The following MACF1 variants were observed in gnomAD, a reference collection of about 807,000 sequenced individuals.
The protein encoded by MACF1 is microtubule actin crosslinking factor 1, also known as microtubule-actin cross-linking factor 1.
Under a neutral mutation model 854.8 loss-of-function variants are expected in MACF1, and 193 were observed. That is an observed-to-expected ratio of 0.23 (90% CI 0.20 to 0.25). The LOEUF (loss-of-function observed/expected upper bound fraction) is 0.25. Among genes scored for constraint, MACF1 ranks in the 10% least tolerant of loss-of-function variants. MACF1 has a pLI of 1.00. For synonymous variants in MACF1, 3,185 were observed against 3,226.7 expected, an observed-to-expected ratio of 0.99 and a Z score of 0.44; for missense variants, 7,722 against 8,929.1, an observed-to-expected ratio of 0.86 and a Z score of 5.45.
chr1:39,271,944 G>A (rs745856433), intron 6 of MACF1, among the ~76,000 whole-genome samples: 1 of 152,180 alleles, frequency 6.6e-6, no homozygotes, highest in Non-Finnish European at 1.5e-5. Flanking sequence ...GACCATATTG[G>A]CAACAGTATG....
At chr1:39,205,874 A>ACACT (rs1261935673) in intron 1 of MACF1, among the ~76,000 whole-genome samples, 3 of 152,226 alleles carry the variant, frequency 2.0e-5, no homozygotes, top group Non-Finnish European at 4.4e-5. Flanking sequence ...TGACTTCTAA[A>ACACT]CACTCAGAGC....
chr1:39,310,855 A>G lies in MACF1; in HGVS notation c.3125A>G (p.Lys1042Arg), dbSNP rs141861752. ...GAGGACAAAGAGGAGACTGTGGCCA[A>G]GATGTACATTTCAGAGTTGAAGAAC... ...ENEDKEETVAKMYISELKNIR... is the reference protein window; with the variant it reads ...ENEDKEETVARMYISELKNIR... The change falls in exon 26 of 101, where the codon AAG becomes AGG. Residue 1042 changes from lysine to arginine, a missense_variant. By Grantham distance (26) the Lys-to-Arg change is conservative. Transcript: ENST00000564288. 224 of 1,613,218 alleles carry G rather than the reference A, an allele frequency of 1.4e-4. No homozygotes were observed. Among genetic ancestry groups the G allele is most frequent in the Non-Finnish European group, 1.6e-4 (192 of 1,179,698 alleles).
chr1:39,471,572 A>T (rs1166646757), intron 97 of MACF1, among the ~76,000 whole-genome samples: 75 of 152,220 alleles, frequency 4.9e-4, no homozygotes, highest in Admixed American at 4.9e-3. Context: ...ATATTTTACT[A>T]GCTAGATTTG....
At chr1:39,362,888 A>G (rs559822331) in intron 49 of MACF1, among the ~76,000 whole-genome samples, 26 of 152,350 alleles carry the variant, frequency 1.7e-4, no homozygotes, top group Admixed American at 4.6e-4. Context: ...ACGCAACACC[A>G]TAGGAATCTT....
intron 100 of MACF1, chr1:39,485,072 T>A: frequency 5.4e-6 from 2 of 372,272 alleles, no homozygotes; most frequent in South Asian, 6.8e-5. Context: ...TTCCAACACG[T>A]CATACTTACT....
chr1:39,427,088 G>A (rs1643752870), intron 61 of MACF1, among the ~76,000 whole-genome samples: 1 of 152,114 alleles, frequency 6.6e-6, no homozygotes, highest in South Asian at 2.1e-4. Flanking sequence ...ACTACATTCT[G>A]TTTTGATTTG....
At chr1:39,440,536 T>C (rs1485486216) in intron 72 of MACF1, among the ~76,000 whole-genome samples, 1 of 152,210 alleles carries the variant, frequency 6.6e-6, no homozygotes, top group African/African-American at 2.4e-5. Flanking sequence ...AGAAATTCTT[T>C]CCCTCCCCAC....
chr1:39,267,207 A>G (rs1000260332), intron 6 of MACF1, among the ~76,000 whole-genome samples: 5 of 152,198 alleles, frequency 3.3e-5, no homozygotes, highest in South Asian at 4.1e-4. Flanking sequence ...ACCTAGGGCT[A>G]TTAATCAACT....
upstream of MACF1, among the ~76,000 whole-genome samples, chr1:39,200,406 A>T (rs1644374548): frequency 6.6e-6 from 1 of 152,164 alleles, no homozygotes; most frequent in African/African-American, 2.4e-5. Flanking sequence ...TGGCTTTAAA[A>T]TTCCAGCCTG....
chr1:39,317,315 A>G lies in MACF1; in HGVS notation c.3690A>G (p.Thr1230=). ...TGGCAGAGCAGATGAGTCGTCTGAC[A>G]CCAGAGCGAAATCTGGATTTGGAGC... ...KVVAEQMSRL[T]PERNLDLERY... is the part of the protein sequence containing the mutation. The change falls in exon 29 of 101, where the codon ACA becomes ACG. Residue 1230 remains threonine, a synonymous_variant. Coordinates refer to ENST00000564288, the MANE Select transcript of MACF1 (RefSeq NM_001394062.1). 1 of 1,614,072 alleles carries G rather than the reference A, an allele frequency of 6.2e-7. No individual in the cohort carries two copies. Among genetic ancestry groups the G allele is most frequent in the Non-Finnish European group, 8.5e-7 (1 of 1,180,010 alleles).
In MACF1 at chr1:39,387,784, G is replaced by A. The variant is rs374309845; in HGVS notation, c.14942G>A (p.Arg4981Gln). Residue 4981 changes from arginine (R) to glutamine (Q), a missense_variant, in exon 58 of 101, where the codon CGG (arginine) becomes CAG (glutamine). Physicochemically the swap from Arg to Gln is conservative, Grantham distance 43. Coordinates refer to ENST00000564288, the MANE Select transcript of MACF1 (RefSeq NM_001394062.1). ...NSSEADEDGI[R>Q]DEKAGINQNM... ...TCAGAAGCAGATGAGGATGGAATCC[G>A]GGATGAGAAGGCTGGGATCAACCAG... 1.5e-5 allele frequency: 24 copies of A among 1,614,042 alleles called. No homozygotes were observed. Among genetic ancestry groups the A allele is most frequent in the Non-Finnish European group, 1.9e-5 (22 of 1,180,046 alleles).
Position 39,465,079 on chromosome 1 carries a change from T to G in MACF1, c.21754-16T>G, listed in dbSNP as rs757085833. 5.0e-6 allele frequency: 8 copies of G among 1,609,404 alleles called. No homozygotes were observed. Among genetic ancestry groups the G allele is most frequent in the Non-Finnish European group, 6.8e-6 (8 of 1,177,454 alleles). On this transcript the variant is annotated splice_polypyrimidine_tract_variant and intron_variant, in intron 94 of 100. Coordinates refer to ENST00000564288, the MANE Select transcript of MACF1 (RefSeq NM_001394062.1). ...TCCCCTCCTTTCCTCCATCCTTTAC[T>G]CTTTACTGTCTATAGTTCTTCCTCG... is the stretch of plus-strand genomic sequence containing the variant.
chr1:39,348,771 GAT>G (rs1647113755), intron 41 of MACF1, among the ~76,000 whole-genome samples: 1 of 152,150 alleles, frequency 6.6e-6, no homozygotes, highest in South Asian at 2.1e-4. Context: ...ATACAACTGA[GAT>G]AAAATCTAGA....
At chr1:39,393,197 ATATATAT>A (rs1226355729) in intron 58 of MACF1, among the ~76,000 whole-genome samples, 9 of 47,144 alleles carry the variant, frequency 1.9e-4, no homozygotes, top group African/African-American at 7.6e-4. Flanking sequence ...AAAAAAAAAA[ATATATAT>A]ATATATATAT....
At chr1:39,403,234 G>A (rs2148596002) in intron 58 of MACF1, among the ~76,000 whole-genome samples, 1 of 152,240 alleles carries the variant, frequency 6.6e-6, no homozygotes, top group Non-Finnish European at 1.5e-5. Flanking sequence ...AAGTAGCTGG[G>A]ACTACAGGTG....
chr1:39,456,163 A>G (rs537490911), intron 89 of MACF1, among the ~76,000 whole-genome samples: 96 of 152,308 alleles, frequency 6.3e-4, no homozygotes, highest in African/African-American at 1.6e-3. Context: ...GTGAAACCCT[A>G]TCTCTACTAA....
At chr1:39,465,565 A>G (rs925784437) in intron 95 of MACF1, among the ~76,000 whole-genome samples, 1 of 152,254 alleles carries the variant, frequency 6.6e-6, no homozygotes, top group East Asian at 1.9e-4. Flanking sequence ...ATTACAAGGT[A>G]TCTGAGAAGT....
intron 2 of MACF1, among the ~76,000 whole-genome samples, chr1:39,093,139 C>T (rs1029781650): frequency 1.3e-5 from 2 of 151,680 alleles, no homozygotes; most frequent in Non-Finnish European, 2.9e-5. Context: ...ACTTCTGTGA[C>T]GCCAAGATAT....
intron 71 of MACF1, 104 bp downstream of exon 71, chr1:39,438,112 G>C (rs1012690998): frequency 9.7e-7 from 1 of 1,028,544 alleles, no homozygotes; most frequent in Non-Finnish European, 1.4e-6. Context: ...GAATGTAAAG[G>C]CAGTCCCCAG....
Sources: gnomAD v4.1 joint callset for allele counts (sites outside exome capture counted in the v4.1 genomes callset) on GRCh38, gnomAD v4.1.1 for gene constraint, MANE v1.5 for transcripts, NCBI Gene and HGNC (gene_info 2026-07-23, HGNC 2026-07-21) for gene names.